CERS3: variants seen among roughly 807,000 people sequenced by gnomAD.
The protein encoded by CERS3 is ceramide synthase 3.
Under a neutral mutation model 50.3 loss-of-function variants are expected in CERS3, and 33 were observed. The observed-to-expected ratio is 0.66, with a 90% CI of 0.50 to 0.88. The LOEUF (loss-of-function observed/expected upper bound fraction) is 0.88. CERS3 is among the 40% of genes least tolerant of loss of function. The pLI is 0.00. For synonymous variants in CERS3, 176 were observed against 155.2 expected (o/e 1.13, Z -0.99); for missense variants, 470 against 460.3 (o/e 1.02, Z -0.19).
chr15:100,507,545 C>T (rs1316478965), intron 2 of CERS3, among the ~76,000 whole-genome samples: 2 of 152,236 alleles, frequency 1.3e-5, no homozygotes, highest in Non-Finnish European at 2.9e-5. Flanking sequence ...ACAGCCAGAA[C>T]CTCTGGGATC....
At chr15:100,426,946 C>G (rs866371000) in intron 11 of CERS3, among the ~76,000 whole-genome samples, 2 of 152,266 alleles carry the variant, frequency 1.3e-5, no homozygotes, top group Middle Eastern at 6.8e-3. Flanking sequence ...CAATTGGGTC[C>G]TTTGATACGG....
At chr15:100,456,338 G>T (rs1196764619) in intron 10 of CERS3, among the ~76,000 whole-genome samples, 2 of 152,120 alleles carry the variant, frequency 1.3e-5, no homozygotes, top group African/African-American at 4.8e-5. Flanking sequence ...TCAAACAAAA[G>T]CATACACTAA....
intron 10 of CERS3, among the ~76,000 whole-genome samples, chr15:100,465,127 A>G (rs926513086): frequency 2.0e-5 from 3 of 152,112 alleles, no homozygotes; most frequent in Non-Finnish European, 4.4e-5. Context: ...CCTACCGTGT[A>G]TATCACCACA....
intron 4 of CERS3, among the ~76,000 whole-genome samples, chr15:100,487,956 G>T (rs1460210058): frequency 6.6e-6 from 1 of 152,126 alleles, no homozygotes; most frequent in Non-Finnish European, 1.5e-5. Flanking sequence ...TTTTGCTAAG[G>T]AAAGGGCTAG....
intron 9 of CERS3, among the ~76,000 whole-genome samples, chr15:100,470,439 C>T (rs1257595056): frequency 1.3e-5 from 2 of 152,126 alleles, no homozygotes; most frequent in Non-Finnish European, 2.9e-5. Flanking sequence ...CCCCAGAGAA[C>T]AGCTTCAGTT....
At chr15:100,423,509 A>C (rs192475882) in intron 11 of CERS3, among the ~76,000 whole-genome samples, 2 of 152,202 alleles carry the variant, frequency 1.3e-5, no homozygotes, top group Non-Finnish European at 2.9e-5. Flanking sequence ...CAAGTAAATT[A>C]ATGCAGGAGC....
intron 8 of CERS3, among the ~76,000 whole-genome samples, 181 bp from the exon 9 acceptor site, chr15:100,473,233 T>C (rs1394327598): frequency 2.0e-5 from 3 of 152,230 alleles, no homozygotes; most frequent in Admixed American, 1.3e-4. Flanking sequence ...ATTATTCTTG[T>C]TGATGAAATC....
intron 10 of CERS3, among the ~76,000 whole-genome samples, chr15:100,460,983 G>T (rs1002877044): frequency 6.6e-6 from 1 of 152,146 alleles, no homozygotes; most frequent in African/African-American, 2.4e-5. Flanking sequence ...AGACCAGTGT[G>T]GCTTAAAGGA....
chr15:100,408,800 C>T (rs1212738885), intron 11 of CERS3: 1 of 152,166 alleles, frequency 6.6e-6, no homozygotes, highest in African/African-American at 2.4e-5. Flanking sequence ...ATAGCAATGA[C>T]ATTTAAAAGG....
chr15:100,416,893 C>A (rs556938158), intron 11 of CERS3, among the ~76,000 whole-genome samples: 1 of 152,090 alleles, frequency 6.6e-6, no homozygotes, highest in Admixed American at 6.6e-5. Flanking sequence ...AACAACCAAC[C>A]ACATTAAAAA....
At chr15:100,505,739 G>A (rs1006902988) in intron 2 of CERS3, among the ~76,000 whole-genome samples, 1 of 152,248 alleles carries the variant, frequency 6.6e-6, no homozygotes, top group African/African-American at 2.4e-5. Context: ...TGGGTGTGAT[G>A]GCTCACACCT....
At chr15:100,534,598 C>T (rs754146929) in intron 1 of CERS3, among the ~76,000 whole-genome samples, 1 of 151,618 alleles carries the variant, frequency 6.6e-6, no homozygotes, top group Non-Finnish European at 1.5e-5. Context: ...AGTCACTCCT[C>T]TGCTCACTGC....
At position 100,417,782 on chromosome 15, in the gene CERS3, T is replaced by C. The variant is rs528651777; in HGVS notation, c.1000-14917A>G. ...AAGTAGGTCCCTGACCCCTGACCCC[T>C]GGGCAGCCTAACTGAGAGGCACCCC... On this transcript the variant is annotated intron_variant, in intron 11 of 11. Coordinates refer to ENST00000679737, the MANE Select transcript of CERS3 (RefSeq NM_001378789.1). Among the ~76,000 whole-genome samples the C allele has an allele frequency of 1.4e-3, 205 of 151,098 alleles. 2 individuals carry two copies. Among genetic ancestry groups the C allele is most frequent in the African/African-American group, 2.2e-3 (88 of 40,518 alleles).
chr15:100,418,840 A>T (rs2032174117), intron 11 of CERS3, among the ~76,000 whole-genome samples: 1 of 150,564 alleles, frequency 6.6e-6, no homozygotes. Flanking sequence ...TAAGCTTCAT[A>T]AGTGAAGGAG....
At chr15:100,469,036 T>C (rs1284858178) in intron 10 of CERS3, among the ~76,000 whole-genome samples, 1 of 152,188 alleles carries the variant, frequency 6.6e-6, no homozygotes, top group Non-Finnish European at 1.5e-5. Context: ...TACCTCTCTT[T>C]TAGAGAACTG....
chr15:100,484,043 G>A (rs1174980482), intron 5 of CERS3, among the ~76,000 whole-genome samples: 1 of 151,870 alleles, frequency 6.6e-6, no homozygotes, highest in Non-Finnish European at 1.5e-5. Flanking sequence ...GATGGGCTGT[G>A]CACCCTACAG....
In CERS3 at chr15:100,456,013, A is replaced by G. The variant is rs907025059; in HGVS notation, c.879T>C (p.Tyr293=). The G allele has an allele frequency of 1.2e-6, 2 of 1,612,368 alleles. No individual in the cohort carries two copies. The highest frequency in any genetic ancestry group is 3.3e-5 in the Admixed American group (2 of 59,734). The change falls in exon 11 of 12, where the codon TAT becomes TAC. Residue 293 remains tyrosine (Y), a synonymous_variant. Transcript: ENST00000679737. ...ILYCTLILPM[Y]HLEPFFSYIF... is the part of the protein sequence containing the mutation. ...TGTATGAAAAGAAAGGCTCGAGGTG[A>G]TACATAGGCAAGATCAGCGTGCAAT...
At chr15:100,445,744 C>A (rs1171393848) in intron 11 of CERS3, among the ~76,000 whole-genome samples, 1 of 152,144 alleles carries the variant, frequency 6.6e-6, no homozygotes, top group Non-Finnish European at 1.5e-5. Flanking sequence ...TTTTCACCGT[C>A]CCAACACTTT....
At chr15:100,471,216 C>T (rs1477915265) in intron 9 of CERS3, among the ~76,000 whole-genome samples, 2 of 152,072 alleles carry the variant, frequency 1.3e-5, no homozygotes, top group Non-Finnish European at 1.5e-5. Flanking sequence ...TAAGATTGGA[C>T]AGTTCATTTT....
Sources: gnomAD v4.1 joint callset for allele counts (sites outside exome capture counted in the v4.1 genomes callset) on GRCh38, gnomAD v4.1.1 for gene constraint, MANE v1.5 for transcripts, NCBI Gene and HGNC (gene_info 2026-07-23, HGNC 2026-07-21) for gene names.